Variants in SNRPA1 observed in about 807,000 individuals in gnomAD.
The protein encoded by SNRPA1 is U2 small nuclear ribonucleoprotein A'.
Under a neutral mutation model 32.3 loss-of-function variants are expected in SNRPA1, and 5 were observed. That is an observed-to-expected ratio of 0.15 (90% CI 0.08 to 0.33). The LOEUF is 0.33. SNRPA1 is among the 10% of genes least tolerant of loss of function. The probability of loss-of-function intolerance (pLI) is 1.00; values close to 1 mark genes in which losing one functional copy is unlikely to be tolerated. For synonymous variants in SNRPA1, 111 were observed against 120.1 expected, an observed-to-expected ratio of 0.92 and a Z score of 0.50; for missense variants, 198 against 311.1, an observed-to-expected ratio of 0.64 and a Z score of 2.74.
In SNRPA1 at chr15:101,286,899, A is replaced by C. The variant is rs1476047842; in HGVS notation, c.459+9T>G. 2 of 1,398,012 alleles carry C rather than the reference A, an allele frequency of 1.4e-6. No individual in the cohort carries two copies. Among genetic ancestry groups the C allele is most frequent in the Non-Finnish European group, 1.0e-6 (1 of 985,556 alleles). 86.6% of individuals were successfully genotyped at this position (1,398,012 alleles called of 1,614,324 possible). Reference sequence around the variant, plus strand: ...TATAATGGCTCACAAGCAACAGATTACTACTTACTTTTAGTTTCACTTTCT... The same window carrying C: ...TATAATGGCTCACAAGCAACAGATTCCTACTTACTTTTAGTTTCACTTTCT... On this transcript the variant is annotated intron_variant, in intron 5 of 8. Transcript: ENST00000254193.
At chr15:101,294,843 C>G (rs1252958518) in intron 1 of SNRPA1, 1 of 398,678 alleles carries the variant, frequency 2.5e-6, no homozygotes, top group Admixed American at 4.5e-5. Flanking sequence ...CCCACGAGGA[C>G]GCACCAGGAA....
At position 101,287,522 on chromosome 15, in the gene SNRPA1, T is replaced by C. The variant is rs2039469636; in HGVS notation, c.356+134A>G. ...CTACAGAGGACATGAACTCATCCTT[T>C]TTTATGGCTGCATAGTATTCCATGG... On this transcript the variant is annotated intron_variant, in intron 4 of 8. Coordinates refer to ENST00000254193, the MANE Select transcript of SNRPA1 (RefSeq NM_003090.4). The C allele has an allele frequency of 4.3e-6, 3 of 704,882 alleles. No homozygotes were observed. In the African/African-American group the frequency reaches 5.3e-5, roughly 13 times the overall value. The allele number at this position is 704,882 out of a possible 1,614,324, so 43.7% of individuals were successfully genotyped here. A position where few individuals can be genotyped will look rare whatever the true frequency, so the allele number is the denominator to read the frequency against.
chr15:101,294,892 T>C, intron 1 of SNRPA1: 2 of 437,644 alleles, frequency 4.6e-6, no homozygotes, highest in South Asian at 8.8e-5. Context: ...GGCACGGCGC[T>C]AACAGAAGGC....
At chr15:101,286,339 A>G (rs749549767) in intron 5 of SNRPA1, 46 bp from the exon 6 acceptor site, 18 of 1,490,492 alleles carry the variant, frequency 1.2e-5, no homozygotes, top group Non-Finnish European at 1.7e-5. Flanking sequence ...GGAATACCAC[A>G]TGCATTTAGA....
At chr15:101,285,604 G>T in intron 7 of SNRPA1, 122 bp downstream of exon 7, 1 of 669,904 alleles carries the variant, frequency 1.5e-6, no homozygotes, top group South Asian at 1.8e-5. Context: ...CAGAAATATT[G>T]CTGTATGCTA....
At position 101,281,671 on chromosome 15, in the gene SNRPA1, G is replaced by C; in HGVS notation, c.*53C>G. ...CAAACAAGGCTATTATACCATGTTC[G>C]AAAAGCAAGACTTGTTCCAAGAGGG... On this transcript the variant is annotated 3_prime_UTR_variant, in exon 9 of 9. Coordinates refer to ENST00000254193, the MANE Select transcript of SNRPA1 (RefSeq NM_003090.4). 7.1e-7 allele frequency: 1 copy of C among 1,410,004 alleles called. No homozygotes were observed. Among genetic ancestry groups the C allele is most frequent in the Non-Finnish European group, 1.0e-6 (1 of 994,138 alleles). The allele number at this position is 1,410,004 out of a possible 1,614,324, so 87.3% of individuals were successfully genotyped here.
intron 8 of SNRPA1, 30 bp from the exon 9 acceptor site, chr15:101,281,812 A>ATCAATTTTAGATAT: frequency 6.2e-7 from 1 of 1,608,706 alleles, no homozygotes; most frequent in Non-Finnish European, 8.5e-7. Flanking sequence ...CAAAAGTAGT[A>ATCAATTTTAGATAT]TCAATTTTAG....
intron 1 of SNRPA1, among the ~76,000 whole-genome samples, chr15:101,293,869 C>T (rs559337843): frequency 2.6e-5 from 4 of 152,332 alleles, no homozygotes; most frequent in South Asian, 4.1e-4. Context: ...CTGTACTACA[C>T]GTACTGCATC....
chr15:101,288,914 C>T (rs981036926), intron 3 of SNRPA1, among the ~76,000 whole-genome samples: 5 of 152,282 alleles, frequency 3.3e-5, no homozygotes, highest in Admixed American at 6.5e-5. Context: ...AAATCATGTC[C>T]CAACACGGCC....
intron 3 of SNRPA1, among the ~76,000 whole-genome samples, chr15:101,290,909 T>C (rs2039518148): frequency 6.6e-6 from 1 of 151,990 alleles, no homozygotes; most frequent in South Asian, 2.1e-4. Context: ...GCCCGGCTAA[T>C]TTTTGTATTT....
chr15:101,283,660 T>A (rs1383294332), intron 8 of SNRPA1, among the ~76,000 whole-genome samples: 1 of 149,852 alleles, frequency 6.7e-6, no homozygotes, highest in East Asian at 2.0e-4. Flanking sequence ...AAAAAATTTC[T>A]TTTTGGCTGG....
In SNRPA1 at chr15:101,293,161, G is replaced by C; in HGVS notation, c.94C>G (p.Pro32Ala). ...RELDLRGYKI[P>A]VIENLGATLD... Reference sequence around the variant, plus strand: ...GTAGCACCTAGATTTTCAATGACGGGAATTTTATACCCTATAAAATGGAGG... The same window carrying C: ...GTAGCACCTAGATTTTCAATGACGGCAATTTTATACCCTATAAAATGGAGG... Residue 32 changes from proline (P) to alanine (A), a missense_variant, in exon 2 of 9, where the codon CCC becomes GCC. Pro to Ala is a conservative substitution (Grantham distance 27). Around this residue, in one of 3 missense-constraint regions of SNRPA1, gnomAD observed 119 missense variants for 171.6 expected, o/e 0.69. Transcript: ENST00000254193. The C allele has an allele frequency of 6.2e-7, 1 of 1,606,698 alleles. No individual in the cohort carries two copies. Among genetic ancestry groups the C allele is most frequent in the Non-Finnish European group, 8.5e-7 (1 of 1,175,604 alleles).
At chr15:101,287,286 T>C (rs56377826) in intron 4 of SNRPA1, among the ~76,000 whole-genome samples, 23,094 of 152,184 alleles carry the variant, frequency 0.15, 2,455 homozygotes, top group Non-Finnish European at 0.21. Context: ...CTGCACCCAT[T>C]AACTTGTCAT....
intron 1 of SNRPA1, chr15:101,294,716 CG>C (rs1303063830): frequency 2.5e-5 from 6 of 236,932 alleles, no homozygotes; most frequent in Non-Finnish European, 4.9e-5. Flanking sequence ...TATCATCTGG[CG>C]GCAAGTATTA....
At chr15:101,281,856 C>T in intron 8 of SNRPA1, 74 bp from the exon 9 acceptor site, 2 of 1,385,620 alleles carry the variant, frequency 1.4e-6, no homozygotes, top group South Asian at 2.3e-5. Flanking sequence ...AGTGTTTGTT[C>T]TGTGGCCACT....
intron 4 of SNRPA1, among the ~76,000 whole-genome samples, chr15:101,287,384 T>TCCAA (rs2039468363): frequency 6.6e-6 from 1 of 152,060 alleles, no homozygotes; most frequent in South Asian, 2.1e-4. Flanking sequence ...CCTTCCTGTG[T>TCCAA]CCAAGTGTTC....
intron 5 of SNRPA1, 188 bp from the exon 6 acceptor site, chr15:101,286,481 T>C (rs1461309318): frequency 9.4e-6 from 5 of 531,486 alleles, no homozygotes; most frequent in Non-Finnish European, 1.7e-5. Context: ...TGAAGAAAGT[T>C]CATTCTCCTA....
intron 5 of SNRPA1, chr15:101,286,665 AC>A (rs2039458392): frequency 2.1e-6 from 1 of 487,130 alleles, no homozygotes; most frequent in Non-Finnish European, 3.6e-6. Context: ...AAGACTGCTC[AC>A]CGTGGCCTCA....
rs61752834 is a variant in SNRPA1, at chr15:101,287,650, C to A, written c.356+6G>T. 6.2e-7 allele frequency: 1 copy of A among 1,607,308 alleles called. No homozygotes were observed. The highest frequency in any genetic ancestry group is 1.3e-5 in the African/African-American group (1 of 74,646). On this transcript the variant is annotated splice_donor_region_variant and intron_variant, in intron 4 of 8. Transcript: ENST00000254193. The stretch of plus-strand genomic sequence containing the variant: ...TTCATTTTGTCACAATATGTAATTC[C>A]CATACCTTAGGTAAGTCAGCGATTT...
Sources: allele counts gnomAD v4.1 joint callset (sites outside exome capture counted in the v4.1 genomes callset), GRCh38; gene constraint gnomAD v4.1.1; regional missense constraint gnomAD v4.1.1; transcripts MANE v1.5; gene names NCBI Gene and HGNC (gene_info 2026-07-23, HGNC 2026-07-21).